The following ANKRD6 variants were observed in gnomAD, a reference collection of about 807,000 sequenced individuals.
ANKRD6 encodes the protein ankyrin repeat domain 6.
ANKRD6 carries 56 observed loss-of-function variants against 82.3 expected under a neutral mutation model. The observed-to-expected ratio is 0.68, with a 90% CI of 0.55 to 0.85. The LOEUF (loss-of-function observed/expected upper bound fraction) is 0.85, where lower values mean the gene tolerates loss of function less well. Ranked by LOEUF, ANKRD6 falls within the 40% of genes least tolerant of loss-of-function variation. The pLI is 0.00. For synonymous variants in ANKRD6, 347 were observed against 352.1 expected (o/e 0.99, Z 0.16); for missense variants, 852 against 907.6 (o/e 0.94, Z 0.79).
At chr6:89,577,692 C>A (rs1172272512) in intron 2 of ANKRD6, among the ~76,000 whole-genome samples, 1 of 152,112 alleles carries the variant, frequency 6.6e-6, no homozygotes, top group African/African-American at 2.4e-5. Context: ...TGATGCACAC[C>A]TATAGTCCTA....
At chr6:89,608,278 G>C (rs1305769089) in intron 5 of ANKRD6, among the ~76,000 whole-genome samples, 1 of 151,662 alleles carries the variant, frequency 6.6e-6, no homozygotes, top group East Asian at 1.9e-4. Context: ...GTAGGATAAT[G>C]AATCAGGTGG....
intron 1 of ANKRD6, among the ~76,000 whole-genome samples, chr6:89,557,484 G>T (rs946539040): frequency 6.6e-6 from 1 of 152,184 alleles, no homozygotes; most frequent in African/African-American, 2.4e-5. Flanking sequence ...TTGAGGGAGG[G>T]ATGGTAGCAG....
chr6:89,445,608 G>C (rs941892371), intron 1 of ANKRD6, among the ~76,000 whole-genome samples: 1 of 152,084 alleles, frequency 6.6e-6, no homozygotes, highest in Non-Finnish European at 1.5e-5. Flanking sequence ...CACCATGCCT[G>C]GCTAATTTTT....
chr6:89,525,305 A>AC (rs944045697), intron 1 of ANKRD6, among the ~76,000 whole-genome samples: 9 of 151,226 alleles, frequency 6.0e-5, no homozygotes, highest in African/African-American at 2.2e-4. Context: ...AAAAAAAAAA[A>AC]AAAAAGAGTG....
At chr6:89,534,042 A>G (rs535428306) in intron 1 of ANKRD6, among the ~76,000 whole-genome samples, 7 of 151,718 alleles carry the variant, frequency 4.6e-5, no homozygotes, top group South Asian at 2.1e-4. Context: ...TGCCTATTGC[A>G]TTGTGTTAAA....
chr6:89,537,709 G>T (rs901987438), intron 1 of ANKRD6, among the ~76,000 whole-genome samples: 6 of 151,604 alleles, frequency 4.0e-5, no homozygotes, highest in African/African-American at 1.5e-4. Flanking sequence ...ACCAGCCTGG[G>T]TAACAAAGCA....
chr6:89,572,117 T>C (rs1242532703), intron 2 of ANKRD6, among the ~76,000 whole-genome samples: 1 of 152,268 alleles, frequency 6.6e-6, no homozygotes, highest in African/African-American at 2.4e-5. Flanking sequence ...CATTTCCTTT[T>C]AGGACTGAAA....
intron 1 of ANKRD6, among the ~76,000 whole-genome samples, chr6:89,553,853 A>G (rs1239719527): frequency 1.3e-5 from 2 of 152,212 alleles, no homozygotes; most frequent in Non-Finnish European, 2.9e-5. Flanking sequence ...AAGTACATAT[A>G]AAGTGTATGA....
In ANKRD6 at chr6:89,597,832, T is replaced by C. The variant is rs1487699526; in HGVS notation, c.219+1818T>C. 2.6e-5 allele frequency among the ~76,000 whole-genome samples: 4 copies of C among 152,224 alleles called. No individual in the cohort carries two copies. In the East Asian group the frequency reaches 7.7e-4, roughly 29 times the overall value. On this transcript the variant is annotated intron_variant, in intron 3 of 15. Transcript: ENST00000339746. ...ATAATTGGGAGTGGAGAAGGTAGAA[T>C]TGACCTTCACTAGTTCTGAAGAAAT...
intron 1 of ANKRD6, among the ~76,000 whole-genome samples, chr6:89,553,014 G>A (rs1331793870): frequency 6.6e-6 from 1 of 152,164 alleles, no homozygotes; most frequent in Non-Finnish European, 1.5e-5. Context: ...CTCACAGGTG[G>A]TAGACATTAT....
At chr6:89,481,381 C>T (rs569299811) in intron 1 of ANKRD6, among the ~76,000 whole-genome samples, 2 of 152,176 alleles carry the variant, frequency 1.3e-5, no homozygotes, top group Admixed American at 1.3e-4. Context: ...AAAGGAAATG[C>T]TTATTGGAGA....
intron 7 of ANKRD6, among the ~76,000 whole-genome samples, chr6:89,614,497 T>C (rs1269936869): frequency 6.6e-6 from 1 of 151,906 alleles, no homozygotes; most frequent in East Asian, 1.9e-4. Context: ...AATACAAAAA[T>C]TAGCCAGGCG....
chr6:89,486,665 A>G (rs1373606290), intron 1 of ANKRD6, among the ~76,000 whole-genome samples: 1 of 152,040 alleles, frequency 6.6e-6, no homozygotes, highest in Non-Finnish European at 1.5e-5. Context: ...GTAGAGATGG[A>G]GTCTCACCAT....
chr6:89,600,682 T>G (rs1159132320), intron 3 of ANKRD6, among the ~76,000 whole-genome samples: 2 of 152,118 alleles, frequency 1.3e-5, no homozygotes, highest in Non-Finnish European at 2.9e-5. Context: ...TTTGGGAAAT[T>G]CCGTCACCAT....
chr6:89,438,443 T>C (rs991706349), intron 1 of ANKRD6, among the ~76,000 whole-genome samples: 3 of 152,210 alleles, frequency 2.0e-5, no homozygotes, highest in African/African-American at 7.2e-5. Context: ...TACATTCTAT[T>C]GGCAGAACCA....
chr6:89,554,685 G>C (rs1786330402), intron 1 of ANKRD6, among the ~76,000 whole-genome samples: 1 of 152,162 alleles, frequency 6.6e-6, no homozygotes, highest in South Asian at 2.1e-4. Flanking sequence ...GTGACAGGCT[G>C]TGTGGTTGCA....
At chr6:89,484,107 C>T (rs1006945916) in intron 1 of ANKRD6, among the ~76,000 whole-genome samples, 1 of 152,182 alleles carries the variant, frequency 6.6e-6, no homozygotes, top group African/African-American at 2.4e-5. Flanking sequence ...GAGGTTTTAC[C>T]ATGTTGGCCA....
chr6:89,476,939 G>A (rs1188887804), intron 1 of ANKRD6, among the ~76,000 whole-genome samples: 20 of 152,080 alleles, frequency 1.3e-4, no homozygotes. Context: ...AAATATGAAA[G>A]GTTTTTGTTT....
chr6:89,605,738 C>T (rs1331085693), intron 4 of ANKRD6, among the ~76,000 whole-genome samples: 5 of 152,150 alleles, frequency 3.3e-5, no homozygotes, highest in Non-Finnish European at 7.3e-5. Context: ...AGAGACTTAA[C>T]CTCTAATGCC....
Sources: allele counts gnomAD v4.1 joint callset (sites outside exome capture counted in the v4.1 genomes callset), GRCh38; gene constraint gnomAD v4.1.1; transcripts MANE v1.5; gene names NCBI Gene and HGNC (gene_info 2026-07-23, HGNC 2026-07-21).